Variants in ADAMTSL3 observed in about 807,000 individuals in gnomAD.
ADAMTSL3 encodes ADAMTS like 3, also known as ADAMTS-like protein 3.
ADAMTSL3 carries 128 observed loss-of-function variants against 201.7 expected under a neutral mutation model. The ratio of observed to expected loss-of-function variants is 0.63; its 90% CI spans 0.55 to 0.73. The LOEUF (loss-of-function observed/expected upper bound fraction) is 0.73. Among genes scored for constraint, ADAMTSL3 ranks in the 30% least tolerant of loss-of-function variants. ADAMTSL3 has a pLI of 0.00. For missense variants in ADAMTSL3, 1,990 were observed against 2,119.6 expected (o/e 0.94, Z 1.20); for synonymous variants, 738 against 748.4 (o/e 0.99, Z 0.23).
At chr15:84,027,145 G>T (rs1310016954) in intron 27 of ADAMTSL3, among the ~76,000 whole-genome samples, 1 of 152,154 alleles carries the variant, frequency 6.6e-6, no homozygotes, top group Non-Finnish European at 1.5e-5. Context: ...CTTTCCATTA[G>T]TCATTAAAAA....
intron 15 of ADAMTSL3, among the ~76,000 whole-genome samples, chr15:83,908,898 G>T (rs895701851): frequency 2.0e-5 from 3 of 152,162 alleles, no homozygotes; most frequent in Non-Finnish European, 4.4e-5. Flanking sequence ...GTCTTCTTTG[G>T]CAAGAGTCTG....
At chr15:83,827,146 A>G (rs1335501266) in intron 6 of ADAMTSL3, among the ~76,000 whole-genome samples, 8 of 152,116 alleles carry the variant, frequency 5.3e-5, no homozygotes, top group African/African-American at 1.7e-4. Flanking sequence ...AAGTGTTCCT[A>G]TTTCTCCACA....
chr15:83,692,425 C>T (rs1204756155), intron 2 of ADAMTSL3, among the ~76,000 whole-genome samples: 4 of 152,062 alleles, frequency 2.6e-5, no homozygotes, highest in Non-Finnish European at 2.9e-5. Flanking sequence ...GTGGCTCACA[C>T]CTATAATCCC....
chr15:83,757,916 T>G lies in ADAMTSL3; in HGVS notation c.190-15607T>G, dbSNP rs2141693481. On this transcript the variant is annotated intron_variant, in intron 3 of 29. Transcript: ENST00000286744. Reference sequence around the variant, plus strand: ...TTGCTAAAGCATAGCAAAAGTCACTTTGCTCTAGTTCCCAACAAGTTCCTC... The same window carrying G: ...TTGCTAAAGCATAGCAAAAGTCACTGTGCTCTAGTTCCCAACAAGTTCCTC... Among the ~76,000 whole-genome samples the G allele has an allele frequency of 2.6e-5, 4 of 152,306 alleles. No individual in the cohort carries two copies. In the South Asian group the frequency reaches 8.3e-4, roughly 32 times the overall value.
At chr15:83,904,986 T>G (rs1480457781) in intron 15 of ADAMTSL3, among the ~76,000 whole-genome samples, 1 of 152,240 alleles carries the variant, frequency 6.6e-6, no homozygotes, top group Non-Finnish European at 1.5e-5. Flanking sequence ...CAGACCTTGT[T>G]CTGAGTGTTC....
intron 9 of ADAMTSL3, among the ~76,000 whole-genome samples, chr15:83,884,650 G>T (rs912258501): frequency 5.9e-5 from 9 of 152,022 alleles, no homozygotes; most frequent in African/African-American, 2.2e-4. Context: ...TCTTGCAGTT[G>T]TGCTTCTAGA....
intron 15 of ADAMTSL3, among the ~76,000 whole-genome samples, chr15:83,906,890 A>G (rs916386806): frequency 2.0e-5 from 3 of 151,536 alleles, no homozygotes; most frequent in African/African-American, 7.3e-5. Context: ...TACTTTTTAC[A>G]TATCTGAAGT....
intron 9 of ADAMTSL3, 31 bp from the exon 10 acceptor site, chr15:83,885,070 C>T: frequency 6.8e-7 from 1 of 1,473,838 alleles, no homozygotes. Flanking sequence ...TCCTTGTTTG[C>T]ACGTGTGTTC....
chr15:83,749,779 A>G (rs998158994), intron 3 of ADAMTSL3, among the ~76,000 whole-genome samples: 2 of 152,300 alleles, frequency 1.3e-5, no homozygotes, highest in Admixed American at 6.5e-5. Flanking sequence ...ATGAAAGCGA[A>G]TAGGGTGGGT....
intron 27 of ADAMTSL3, 65 bp from the exon 28 acceptor site, chr15:84,031,270 A>G: frequency 6.7e-7 from 1 of 1,501,734 alleles, no homozygotes; most frequent in Admixed American, 1.7e-5. Context: ...TCAGTACATG[A>G]TCTTAGTACA....
chr15:83,977,772 G>A (rs2067312308), intron 20 of ADAMTSL3, among the ~76,000 whole-genome samples: 1 of 152,210 alleles, frequency 6.6e-6, no homozygotes, highest in African/African-American at 2.4e-5. Context: ...GGGAGCAGAA[G>A]CCAGACTGAA....
rs2067407317 is a variant in ADAMTSL3, at chr15:83,982,679, G to A, written c.3051G>A (p.Gly1017=). ...ALREPMREYP[G]MDHSEANSLG... ...GGGAGCCTATGAGGGAATATCCTGG[G>A]ATGGACCACAGCGAAGCCAATAGTT... Residue 1017 remains glycine (G), a synonymous_variant, in exon 21 of 30, where the codon GGG becomes GGA. Transcript: ENST00000286744. 2 of 1,614,152 alleles carry A rather than the reference G, an allele frequency of 1.2e-6. No individual in the cohort carries two copies. Among genetic ancestry groups the A allele is most frequent in the Non-Finnish European group, 1.7e-6 (2 of 1,180,042 alleles).
intron 3 of ADAMTSL3, among the ~76,000 whole-genome samples, chr15:83,755,046 T>C (rs1028332446): frequency 1.3e-5 from 2 of 152,234 alleles, no homozygotes; most frequent in African/African-American, 4.8e-5. Flanking sequence ...ATTCAAAGTT[T>C]AATGTTTAAA....
chr15:84,003,105 A>G (rs546604410), intron 23 of ADAMTSL3, among the ~76,000 whole-genome samples: 260 of 148,874 alleles, frequency 1.7e-3, no homozygotes, highest in African/African-American at 6.2e-3. Context: ...ATGCACCACC[A>G]CATCTGACTA....
intron 2 of ADAMTSL3, among the ~76,000 whole-genome samples, chr15:83,673,255 G>T (rs1007024720): frequency 1.3e-5 from 2 of 152,226 alleles, no homozygotes; most frequent in Admixed American, 1.3e-4. Context: ...AGCTTTTGGG[G>T]AGAGGGAGAG....
chr15:83,838,252 A>T (rs1211154379), intron 7 of ADAMTSL3, 37 bp downstream of exon 7: 2 of 1,603,324 alleles, frequency 1.2e-6, no homozygotes, highest in Non-Finnish European at 1.7e-6. Flanking sequence ...ACCATCATAC[A>T]AGATATATTT....
rs967211339 is a variant in ADAMTSL3 at position 83,696,235 on chromosome 15, G to T, written c.70-8154G>T. Among the ~76,000 whole-genome samples, 4 of 152,298 alleles carry T rather than the reference G, an allele frequency of 2.6e-5. No homozygotes were observed. The South Asian group carries it at 8.3e-4, about 32-fold the overall frequency. Reference sequence around the variant, plus strand: ...TTCAAATACTAAAGTCTTCCTGGCCGATCTTGGTTTGTCACCCAGGCTGGA... The same window carrying T: ...TTCAAATACTAAAGTCTTCCTGGCCTATCTTGGTTTGTCACCCAGGCTGGA... On this transcript the variant is annotated intron_variant, in intron 2 of 29. Transcript: ENST00000286744.
chr15:83,740,889 T>TA (rs919462661), intron 3 of ADAMTSL3, among the ~76,000 whole-genome samples: 16 of 152,080 alleles, frequency 1.1e-4, no homozygotes, highest in Admixed American at 1.3e-4. Context: ...TCCAAATTCC[T>TA]AAAAAATACA....
chr15:83,840,928 T>G (rs1001910964), intron 7 of ADAMTSL3, among the ~76,000 whole-genome samples: 7 of 152,226 alleles, frequency 4.6e-5, no homozygotes, highest in Admixed American at 2.0e-4. Flanking sequence ...CTTCACATCC[T>G]TAGAGGATGG....
Sources: allele counts gnomAD v4.1 joint callset (sites outside exome capture counted in the v4.1 genomes callset), GRCh38; gene constraint gnomAD v4.1.1; transcripts MANE v1.5; gene names NCBI Gene and HGNC (gene_info 2026-07-23, HGNC 2026-07-21).